Variants in SYBU observed in about 807,000 individuals in gnomAD.
The protein encoded by SYBU is GOLSYN A protein.
In SYBU, 21 loss-of-function variants were observed where a neutral mutation model predicts 35.9. That is an observed-to-expected ratio of 0.58 (90% CI 0.41 to 0.84). The LOEUF is 0.84. Among genes scored for constraint, SYBU ranks in the 40% least tolerant of loss-of-function variants. SYBU has a pLI of 0.00. For synonymous variants in SYBU, 319 were observed against 324.3 expected, an observed-to-expected ratio of 0.98 and a Z score of 0.18; for missense variants, 768 against 848.2, an observed-to-expected ratio of 0.91 and a Z score of 1.17.
chr8:109,629,652 A>G (rs1454281298), intron 2 of SYBU, among the ~76,000 whole-genome samples: 2 of 152,110 alleles, frequency 1.3e-5, no homozygotes, highest in African/African-American at 4.8e-5. Flanking sequence ...TCCTTTGGGT[A>G]TATACCCAGT....
At chr8:109,624,214 A>G (rs1812737846) in intron 2 of SYBU, among the ~76,000 whole-genome samples, 1 of 152,168 alleles carries the variant, frequency 6.6e-6, no homozygotes, top group African/African-American at 2.4e-5. Context: ...ACAGAGATAG[A>G]GAAAGGCCCC....
chr8:109,616,452 G>A (rs1238430619), intron 3 of SYBU, among the ~76,000 whole-genome samples: 1 of 152,070 alleles, frequency 6.6e-6, no homozygotes. Flanking sequence ...AGAGTTTTAA[G>A]TATTTTGTTA....
At chr8:109,587,991 G>A (rs949723076) in intron 3 of SYBU, among the ~76,000 whole-genome samples, 1 of 152,186 alleles carries the variant, frequency 6.6e-6, no homozygotes, top group Non-Finnish European at 1.5e-5. Flanking sequence ...TTCATGATTG[G>A]TAATGCAGTC....
At chr8:109,689,613 C>T (rs919784635) in intron 1 of SYBU, among the ~76,000 whole-genome samples, 5 of 152,076 alleles carry the variant, frequency 3.3e-5, no homozygotes, top group African/African-American at 1.2e-4. Flanking sequence ...ATTACAGGCG[C>T]AAGCCACCAT....
chr8:109,688,739 G>A (rs1254088314), intron 1 of SYBU, among the ~76,000 whole-genome samples: 1 of 149,774 alleles, frequency 6.7e-6, no homozygotes, highest in Non-Finnish European at 1.5e-5. Flanking sequence ...GAAGAAGGAT[G>A]CAGACTCAAA....
At chr8:109,641,564 A>G (rs1814882089) in intron 2 of SYBU, among the ~76,000 whole-genome samples, 1 of 152,238 alleles carries the variant, frequency 6.6e-6, no homozygotes, top group African/African-American at 2.4e-5. Flanking sequence ...ACAGATCACA[A>G]AGCCTGGGCT....
chr8:109,618,300 C>T (rs35344178), intron 3 of SYBU, among the ~76,000 whole-genome samples: 1,888 of 152,294 alleles, frequency 0.012, 14 homozygotes, highest in Non-Finnish European at 0.02. Flanking sequence ...TCCATTTCAT[C>T]TTATAGCTTC....
chr8:109,687,488 T>C (rs1248848896), intron 1 of SYBU, among the ~76,000 whole-genome samples: 1 of 152,086 alleles, frequency 6.6e-6, no homozygotes, highest in African/African-American at 2.4e-5. Context: ...ATTAGAAATA[T>C]AGAAGCCAAG....
At chr8:109,641,839 T>C (rs962628767) in intron 2 of SYBU, among the ~76,000 whole-genome samples, 17 of 152,344 alleles carry the variant, frequency 1.1e-4, no homozygotes, top group African/African-American at 4.1e-4. Flanking sequence ...AATAGGAACG[T>C]TTTTACACTG....
At chr8:109,665,312 G>C (rs886084026) in intron 1 of SYBU, among the ~76,000 whole-genome samples, 1 of 152,076 alleles carries the variant, frequency 6.6e-6, no homozygotes, top group African/African-American at 2.4e-5. Context: ...CTCAGTTTAG[G>C]CTAGCCATAA....
intron 3 of SYBU, 176 bp downstream of exon 3, chr8:109,618,666 T>C: frequency 1.6e-6 from 1 of 630,684 alleles, no homozygotes; most frequent in South Asian, 1.9e-5. Flanking sequence ...ACTCAGTTAT[T>C]AAAAACCATT....
At chr8:109,689,913 C>T (rs1364829438) in intron 1 of SYBU, among the ~76,000 whole-genome samples, 1 of 147,650 alleles carries the variant, frequency 6.8e-6, no homozygotes, top group East Asian at 2.0e-4. Flanking sequence ...TACTCACTTA[C>T]TCTCTGCAAG....
rs577986184 is a variant in SYBU, at chr8:109,582,610, C to T, written c.531-2608G>A. ...CCTCATGAGTGACTCAGGTGAATTT[C>T]GATTCCCTGACCATGGCTCTGGACT... is the stretch of plus-strand genomic sequence containing the variant. On this transcript the variant is annotated intron_variant, in intron 4 of 6. Coordinates refer to ENST00000276646, the MANE Select transcript of SYBU (RefSeq NM_001099754.2). Among the ~76,000 whole-genome samples, 4 of 152,258 alleles carry T rather than the reference C, an allele frequency of 2.6e-5. No homozygotes were observed. The South Asian group carries it at 6.2e-4, about 24-fold the overall frequency.
Position 109,644,763 on chromosome 8 carries a change from G to A in SYBU, c.-104C>T. 8.6e-7 allele frequency: 1 copy of A among 1,166,172 alleles called. No individual in the cohort carries two copies. The highest frequency in any genetic ancestry group is 4.2e-5 in the Admixed American group (1 of 23,622). The allele number at this position is 1,166,172 out of a possible 1,614,324, so 72.2% of individuals were successfully genotyped here. A position where few individuals can be genotyped will look rare whatever the true frequency, so the allele number is the denominator to read the frequency against. ...ACTGCGCTGAGCCGGCGCGGGCTGC[G>A]GGCGGCGGCTCTTGGTGAGGCTCCA... On this transcript the variant is annotated 5_prime_UTR_variant, in exon 1 of 7. Coordinates refer to ENST00000276646, the MANE Select transcript of SYBU (RefSeq NM_001099754.2).
Position 109,616,925 on chromosome 8 carries a change from G to A in SYBU, c.427+1917C>T, listed in dbSNP as rs1006557516. ...AGGCTGAGGCAGGCAGATCATTTGA[G>A]GTCAGGAGTTTGAGACCAGCCTGAC... is the stretch of plus-strand genomic sequence containing the variant. On this transcript the variant is annotated intron_variant, in intron 3 of 6. Transcript: ENST00000276646. 2.6e-5 allele frequency among the ~76,000 whole-genome samples: 4 copies of A among 151,984 alleles called. No homozygotes were observed. In the East Asian group the frequency reaches 5.8e-4, roughly 22 times the overall value.
chr8:109,688,062 C>T (rs1817560652), intron 1 of SYBU, among the ~76,000 whole-genome samples: 1 of 152,162 alleles, frequency 6.6e-6, no homozygotes. Flanking sequence ...TGTCATTGTA[C>T]AGTGTTTCCT....
At chr8:109,621,440 A>T (rs536425762) in intron 2 of SYBU, among the ~76,000 whole-genome samples, 2 of 152,294 alleles carry the variant, frequency 1.3e-5, no homozygotes, top group South Asian at 4.1e-4. Context: ...GAAAATTCAA[A>T]CCTAAATACA....
At chr8:109,684,930 G>C (rs1817485836), upstream of SYBU, among the ~76,000 whole-genome samples, 1 of 152,138 alleles carries the variant, frequency 6.6e-6, no homozygotes, top group Non-Finnish European at 1.5e-5. Context: ...AGGTTGCCTA[G>C]GTAACAGATC....
chr8:109,601,430 C>A (rs1825504951), intron 3 of SYBU, among the ~76,000 whole-genome samples: 1 of 152,162 alleles, frequency 6.6e-6, no homozygotes, highest in Admixed American at 6.5e-5. Context: ...GGCTAAGGCA[C>A]TGGATGGGGG....
Sources: allele counts gnomAD v4.1 joint callset (sites outside exome capture counted in the v4.1 genomes callset), GRCh38; gene constraint gnomAD v4.1.1; transcripts MANE v1.5; gene names NCBI Gene and HGNC (gene_info 2026-07-23, HGNC 2026-07-21).